STAP1: variants seen among roughly 807,000 people sequenced by gnomAD.
STAP1 encodes signal transducing adaptor family member 1, also known as signal-transducing adaptor protein 1.
In STAP1, 30 loss-of-function variants were observed where a neutral mutation model predicts 37.8. The observed-to-expected ratio is 0.79, with a 90% CI of 0.59 to 1.08. STAP1 has a LOEUF of 1.08. Among genes scored for constraint, STAP1 ranks in the 50% least tolerant of loss-of-function variants. The pLI, the probability that STAP1 is intolerant of heterozygous loss-of-function variation, is 0.00. For missense variants in STAP1, 357 were observed against 349.4 expected (o/e 1.02, Z -0.17); for synonymous variants, 130 against 116.0 (o/e 1.12, Z -0.78).
At chr4:67,593,208 T>G in intron 7 of STAP1, 52 bp from the exon 8 acceptor site, 1 of 1,328,048 alleles carries the variant, frequency 7.5e-7, no homozygotes, top group South Asian at 1.3e-5. Flanking sequence ...CTTCTCTTAC[T>G]CTATACTTAT....
At chr4:67,574,733 A>G (rs939722797) in intron 2 of STAP1, among the ~76,000 whole-genome samples, 1 of 152,198 alleles carries the variant, frequency 6.6e-6, no homozygotes, top group Non-Finnish European at 1.5e-5. Flanking sequence ...GTTTCTAAAG[A>G]AAAAAACAAA....
At chr4:67,561,181 ATAAT>A (rs1727330064) in intron 1 of STAP1, among the ~76,000 whole-genome samples, 1 of 152,204 alleles carries the variant, frequency 6.6e-6, no homozygotes. Context: ...GAGCATGGTG[ATAAT>A]TAGAGTACTT....
intron 6 of STAP1, among the ~76,000 whole-genome samples, chr4:67,590,588 T>TCTGC (rs1365456374): frequency 8.5e-5 from 13 of 152,280 alleles, no homozygotes; most frequent in Non-Finnish European, 1.5e-5. Context: ...AAGAATTATT[T>TCTGC]CTGCCTGAAA....
At position 67,606,344 on chromosome 4, in the gene STAP1, C is replaced by T; in HGVS notation, c.875C>T (p.Pro292Leu). 6.2e-7 allele frequency: 1 copy of T among 1,610,434 alleles called. No individual in the cohort carries two copies. The highest frequency in any genetic ancestry group is 2.2e-5 in the East Asian group (1 of 44,594). Residue 292 changes from proline (P) to leucine (L), a missense_variant, in exon 9 of 9, where the codon CCA becomes CTA. Physicochemically the swap from Pro to Leu is moderately conservative, Grantham distance 98. Transcript: ENST00000265404. ...AGAAGTGAAAAGTTGAAGAAAAATC[C>T]ACACATTGCATGAAATACAATGTGA... The part of the protein sequence containing the change: ...EGRSEKLKKN[P>L]HIA
Position 67,562,710 on chromosome 4 carries a change from T to C in STAP1, c.120+3781T>C, listed in dbSNP as rs573473250. 2.6e-3 allele frequency among the ~76,000 whole-genome samples: 401 copies of C among 151,900 alleles called. 3 individuals carry two copies. Among genetic ancestry groups the C allele is most frequent in the Non-Finnish European group, 2.5e-3 (167 of 67,958 alleles). On this transcript the variant is annotated intron_variant, in intron 1 of 8. Coordinates refer to ENST00000265404, the MANE Select transcript of STAP1 (RefSeq NM_012108.4). ...TGGCGTGAACCCAGGAGGCGGAGCT[T>C]GCAGGGAGCGGAGATTGCGCCATTG...
intron 1 of STAP1, among the ~76,000 whole-genome samples, chr4:67,562,068 C>CAAAAAA (rs71219057): frequency 2.6e-5 from 2 of 77,258 alleles, no homozygotes; most frequent in Non-Finnish European, 4.6e-5. Context: ...GAGACTCTGT[C>CAAAAAA]AAAAAAAAAA....
intron 1 of STAP1, among the ~76,000 whole-genome samples, chr4:67,560,941 G>C (rs921344370): frequency 3.9e-5 from 6 of 152,186 alleles, no homozygotes; most frequent in African/African-American, 1.2e-4. Flanking sequence ...GGGCCTCTGA[G>C]TTAGACCACT....
chr4:67,593,287 A>T lies in STAP1; in HGVS notation c.757A>T (p.Ile253Phe). The T allele has an allele frequency of 6.2e-7, 1 of 1,613,360 alleles. No individual in the cohort carries two copies. The highest frequency in any genetic ancestry group is 8.5e-7 in the Non-Finnish European group (1 of 1,179,670). Residue 253 changes from isoleucine (I) to phenylalanine (F), a missense_variant, in exon 8 of 9, where the codon ATT (isoleucine) becomes TTT (phenylalanine). By Grantham distance (21) the Ile-to-Phe change is conservative (BLOSUM62 0). Coordinates refer to ENST00000265404, the MANE Select transcript of STAP1 (RefSeq NM_012108.4). The stretch of plus-strand genomic sequence containing the variant: ...AACACTCCCAAACCTTTTCAGTGTC[A>T]TTGATTATTTTGTGAAGGAGACTCG... Reference protein sequence around the residue: ...PVTLPNLFSVIDYFVKETRGN... With the variant: ...PVTLPNLFSVFDYFVKETRGN...
chr4:67,581,426 A>C lies in STAP1; in HGVS notation c.485A>C (p.Lys162Thr). 1 of 1,613,938 alleles carries C rather than the reference A, an allele frequency of 6.2e-7. No homozygotes were observed. The highest frequency in any genetic ancestry group is 8.5e-7 in the Non-Finnish European group (1 of 1,179,880). ...CAGAGTACGTCCGTGGAAAAAGAGA[A>C]GGAACCAACTGAAGATTATGTGGAT... Reference protein sequence around the residue: ...TEQSTSVEKEKEPTEDYVDVL... With the variant: ...TEQSTSVEKETEPTEDYVDVL... The change falls in exon 5 of 9, where the codon AAG becomes ACG. Residue 162 changes from lysine to threonine, a missense_variant. Coordinates refer to ENST00000265404, the MANE Select transcript of STAP1 (RefSeq NM_012108.4).
intron 8 of STAP1, among the ~76,000 whole-genome samples, chr4:67,599,528 T>G (rs2109877546): frequency 6.6e-6 from 1 of 152,278 alleles, no homozygotes; most frequent in Non-Finnish European, 1.5e-5. Context: ...ATTATCCTTT[T>G]AATTTCTGTG....
intron 2 of STAP1, among the ~76,000 whole-genome samples, chr4:67,572,783 T>G (rs1336437497): frequency 6.6e-6 from 1 of 152,244 alleles, no homozygotes; most frequent in Non-Finnish European, 1.5e-5. Context: ...TTGCCTAATT[T>G]AAGTCTCACA....
intron 6 of STAP1, among the ~76,000 whole-genome samples, chr4:67,590,544 TTA>T (rs1446354070): frequency 6.6e-6 from 1 of 152,192 alleles, no homozygotes; most frequent in Non-Finnish European, 1.5e-5. Flanking sequence ...TAGAATTTTA[TTA>T]TGTTGTTTAC....
At position 67,598,156 on chromosome 4, in the gene STAP1, C is replaced by T. The variant is rs1728264970; in HGVS notation, c.826+4800C>T. On this transcript the variant is annotated intron_variant, in intron 8 of 8. Transcript: ENST00000265404. ...TGCTGTTCTTATGATAATGAGTTCT[C>T]ACAAGATCTGATGGTTTAAAACTGG... 4.6e-5 allele frequency among the ~76,000 whole-genome samples: 7 copies of T among 152,256 alleles called. No individual in the cohort carries two copies. In the South Asian group the frequency reaches 1.5e-3, roughly 32 times the overall value.
chr4:67,572,771 C>A (rs1207851553), intron 2 of STAP1, among the ~76,000 whole-genome samples: 1 of 152,208 alleles, frequency 6.6e-6, no homozygotes, highest in Non-Finnish European at 1.5e-5. Flanking sequence ...ATTTTACATG[C>A]ATTGCCTAAT....
rs371965362 is a variant in STAP1, at chr4:67,588,181, A to G, written c.660-2703A>G. Among the ~76,000 whole-genome samples the G allele has an allele frequency of 5.3e-5, 8 of 152,082 alleles. No homozygotes were observed. The East Asian group carries it at 1.5e-3, about 29-fold the overall frequency. ...TTGGAAAAGCAGAACAAAACAGAAT[A>G]TGAAAGGAAAGCAAAATGTCTAAAA... On this transcript the variant is annotated intron_variant, in intron 6 of 8. Coordinates refer to ENST00000265404, the MANE Select transcript of STAP1 (RefSeq NM_012108.4).
At chr4:67,591,488 T>G (rs1728118463) in intron 7 of STAP1, among the ~76,000 whole-genome samples, 1 of 152,204 alleles carries the variant, frequency 6.6e-6, no homozygotes, top group South Asian at 2.1e-4. Context: ...GTTATGCCTT[T>G]TATACAGGTG....
chr4:67,571,303 G>T (rs1182713349), intron 2 of STAP1, 148 bp downstream of exon 2: 19 of 550,534 alleles, frequency 3.5e-5, no homozygotes, highest in Admixed American at 1.1e-4. Context: ...TGTGGGGGCC[G>T]CCAATGATCA....
chr4:67,569,911 G>T (rs888799044), intron 1 of STAP1, among the ~76,000 whole-genome samples: 2 of 152,034 alleles, frequency 1.3e-5, no homozygotes, highest in Admixed American at 1.3e-4. Flanking sequence ...TGTATTTTTA[G>T]GTAGAGATGG....
intron 1 of STAP1, among the ~76,000 whole-genome samples, chr4:67,564,416 G>A (rs369144306): frequency 9.2e-5 from 14 of 151,922 alleles, no homozygotes; most frequent in African/African-American, 2.7e-4. Context: ...AATTTTTCTC[G>A]ATAGTGCAAT....
Sources: gnomAD v4.1 joint callset for allele counts (sites outside exome capture counted in the v4.1 genomes callset) on GRCh38, gnomAD v4.1.1 for gene constraint, MANE v1.5 for transcripts, NCBI Gene and HGNC (gene_info 2026-07-23, HGNC 2026-07-21) for gene names.